Variants in ERLIN2 observed in about 807,000 individuals in gnomAD.
ERLIN2 encodes erlin-2.
ERLIN2 carries 22 observed loss-of-function variants against 41.5 expected under a neutral mutation model. That is an observed-to-expected ratio of 0.53 (90% confidence interval 0.38 to 0.76). The LOEUF (loss-of-function observed/expected upper bound fraction) is 0.76, where lower values mean the gene tolerates loss of function less well. ERLIN2 is among the 30% of genes least tolerant of loss of function. The pLI is 0.00. For synonymous variants in ERLIN2, 149 were observed against 150.9 expected, an observed-to-expected ratio of 0.99 and a Z score of 0.09; for missense variants, 247 against 414.3, an observed-to-expected ratio of 0.60 and a Z score of 3.51.
At chr8:37,749,238 T>A (rs560073663) in intron 6 of ERLIN2, among the ~76,000 whole-genome samples, 1 of 152,376 alleles carries the variant, frequency 6.6e-6, no homozygotes, top group East Asian at 1.9e-4. Flanking sequence ...AGAAATGTGC[T>A]AGAATTGTTT....
At chr8:37,740,297 C>G in intron 2 of ERLIN2, 68 bp from the exon 3 acceptor site, 2 of 1,059,200 alleles carry the variant, frequency 1.9e-6, no homozygotes, top group Non-Finnish European at 2.9e-6. Context: ...AGTTGACCCT[C>G]ATGATATTGA....
chr8:37,745,216 T>C, intron 6 of ERLIN2: 3 of 443,274 alleles, frequency 6.8e-6, no homozygotes, highest in South Asian at 7.7e-5. Context: ...GAATGGGTGA[T>C]GAAAAAGACA....
intron 6 of ERLIN2, among the ~76,000 whole-genome samples, chr8:37,748,766 A>G (rs1803138106): frequency 6.6e-6 from 1 of 152,234 alleles, no homozygotes; most frequent in South Asian, 2.1e-4. Context: ...TATCATGGGC[A>G]GAAGGCAAGG....
intron 2 of ERLIN2, among the ~76,000 whole-genome samples, chr8:37,738,244 A>C (rs1458743045): frequency 3.3e-5 from 5 of 152,248 alleles, no homozygotes; most frequent in Non-Finnish European, 7.3e-5. Context: ...TAGTAGTCCA[A>C]GATGATGCCA....
chr8:37,738,185 G>A (rs758986968), intron 2 of ERLIN2, among the ~76,000 whole-genome samples, 156 bp downstream of exon 2: 26 of 152,178 alleles, frequency 1.7e-4, no homozygotes, highest in Non-Finnish European at 1.6e-4. Flanking sequence ...GTAACCACGG[G>A]AAAGAGAATA....
chr8:37,740,341 C>T (rs765376176), intron 2 of ERLIN2, 24 bp from the exon 3 acceptor site: 35 of 1,593,832 alleles, frequency 2.2e-5, no homozygotes, highest in Admixed American at 3.3e-5. Flanking sequence ...CTGAAGCTGC[C>T]TCTCTCTTCC....
At chr8:37,744,828 G>A (rs992495444) in intron 6 of ERLIN2, 132 bp downstream of exon 6, 2 of 989,534 alleles carry the variant, frequency 2.0e-6, no homozygotes, top group South Asian at 2.7e-5. Context: ...AAAGAATCTT[G>A]TGCTCAGGAG....
intron 1 of ERLIN2, chr8:37,737,102 G>T (rs1424271651): frequency 2.1e-6 from 1 of 479,810 alleles, no homozygotes; most frequent in African/African-American, 2.1e-5. Flanking sequence ...CGCACGCACA[G>T]CTGAACTTTG....
chr8:37,738,403 C>T (rs1053068651), intron 2 of ERLIN2, among the ~76,000 whole-genome samples: 1 of 151,822 alleles, frequency 6.6e-6, no homozygotes, highest in Non-Finnish European at 1.5e-5. Flanking sequence ...CTTAGCTCTA[C>T]ATCCCTCTGG....
chr8:37,741,674 C>A lies in ERLIN2; in HGVS notation c.190-98C>A. 2.2e-6 allele frequency: 2 copies of A among 928,176 alleles called. No homozygotes were observed. The highest frequency in any genetic ancestry group is 1.3e-5 in the South Asian group (1 of 75,774). The allele number at this position is 928,176 out of a possible 1,614,324, so 57.5% of individuals were successfully genotyped here. A position where few individuals can be genotyped will look rare whatever the true frequency, so the allele number is the denominator to read the frequency against. ...TGTTTAATGAAGGCCATGCTCAACC[C>A]AAACAGTTATTCCAGGACAAAGGCA... On this transcript the variant is annotated intron_variant, in intron 3 of 11. Coordinates refer to ENST00000519638, the MANE Select transcript of ERLIN2 (RefSeq NM_007175.8). The surrounding 1 kb of genome is among the most constrained non-coding windows in gnomAD (Gnocchi z 4.8).
chr8:37,758,084 C>T lies in ERLIN2; in HGVS notation c.*3969C>T, dbSNP rs576049167. ...TATGTGTCCTAAACACTGCATGAGA[C>T]ATACTCATACCAAAGTATTTGTTGC... On this transcript the variant is annotated 3_prime_UTR_variant, in exon 12 of 12. Coordinates refer to ENST00000519638, the MANE Select transcript of ERLIN2 (RefSeq NM_007175.8). The T allele has an allele frequency of 7.9e-5, 12 of 152,322 alleles. No individual in the cohort carries two copies. In the East Asian group the frequency reaches 1.5e-3, roughly 20 times the overall value. The allele number at this position is 152,322 out of a possible 1,614,324, so 9.4% of individuals were successfully genotyped here. A position where few individuals can be genotyped will look rare whatever the true frequency, so the allele number is the denominator to read the frequency against.
rs1475778141 is a variant in ERLIN2 at position 37,754,361 on chromosome 8, C to A, written c.*246C>A. On this transcript the variant is annotated 3_prime_UTR_variant, in exon 12 of 12. Transcript: ENST00000519638. ...TAAGATTTGTAAATCATGGGCTTGA[C>A]CTTTGACCTCTAGACACTAATTTTA... 1.2e-5 allele frequency: 6 copies of A among 503,452 alleles called. No individual in the cohort carries two copies. Among genetic ancestry groups the A allele is most frequent in the Non-Finnish European group, 2.2e-5 (6 of 277,762 alleles). 31.2% of individuals were successfully genotyped at this position (503,452 alleles called of 1,614,324 possible).
At chr8:37,739,639 T>C (rs1406407785) in intron 2 of ERLIN2, among the ~76,000 whole-genome samples, 1 of 151,986 alleles carries the variant, frequency 6.6e-6, no homozygotes, top group Non-Finnish European at 1.5e-5. Flanking sequence ...CACGCCTGGC[T>C]AATTTTTGTA....
Position 37,744,610 on chromosome 8 carries a change from A to G in ERLIN2, c.338A>G (p.Lys113Arg). The G allele has an allele frequency of 6.2e-7, 1 of 1,614,076 alleles. No individual in the cohort carries two copies. Among genetic ancestry groups the G allele is most frequent in the Non-Finnish European group, 8.5e-7 (1 of 1,179,974 alleles). ...IVKNYTADYD[K>R]ALIFNKIHHE... is the part of the protein sequence containing the mutation. The stretch of plus-strand genomic sequence containing the variant: ...AAGAACTATACTGCTGACTATGACA[A>G]GGCCCTCATCTTCAACAAGATCCAC... Residue 113 changes from lysine (K) to arginine (R), a missense_variant, in exon 6 of 12, where the codon AAG becomes AGG. Transcript: ENST00000519638.
rs751521723 is a variant in ERLIN2, at chr8:37,753,515, G to T, written c.805G>T (p.Ala269Ser). Residue 269 changes from alanine (A) to serine (S), a missense_variant, in exon 11 of 12, where the codon GCC becomes TCC. By Grantham distance (99) the Ala-to-Ser change is moderately conservative. Around this residue, in one of 3 missense-constraint regions of ERLIN2, gnomAD observed 153 missense variants for 256.4 expected, o/e 0.60. Coordinates refer to ENST00000519638, the MANE Select transcript of ERLIN2 (RefSeq NM_007175.8). ...DAECYTAMKI[A>S]EANKLKLTPE... is the part of the protein sequence containing the mutation. ...TGAGTGCTACACTGCTATGAAAATA[G>T]CCGAAGCCAATAAGGTAAAGACCCC... The T allele has an allele frequency of 6.8e-6, 11 of 1,614,112 alleles. No individual in the cohort carries two copies. Among genetic ancestry groups the T allele is most frequent in the Non-Finnish European group, 8.5e-6 (10 of 1,180,000 alleles).
intron 6 of ERLIN2, chr8:37,747,862 A>C (rs1803108108): frequency 6.2e-7 from 1 of 1,614,210 alleles, no homozygotes; most frequent in Non-Finnish European, 8.5e-7. Context: ...CCTCATGGGC[A>C]ATTTCTCTAA....
intron 1 of ERLIN2, chr8:37,737,168 T>A: frequency 4.4e-6 from 1 of 225,924 alleles, no homozygotes; most frequent in Non-Finnish European, 7.4e-6. Context: ...CTCCTCCGCG[T>A]CCTGGTGCCT....
chr8:37,736,811 A>G (rs1442849537), intron 1 of ERLIN2, 133 bp downstream of exon 1: 5 of 985,988 alleles, frequency 5.1e-6, no homozygotes, highest in South Asian at 4.7e-5. Flanking sequence ...GGAGAGAGAC[A>G]GAAACCCTTT....
At chr8:37,746,544 C>A in intron 6 of ERLIN2, 1 of 965,122 alleles carries the variant, frequency 1.0e-6, no homozygotes, top group Non-Finnish European at 1.2e-6. Context: ...AAAAGATACA[C>A]AACAGATCAT....
Sources: allele counts gnomAD v4.1 joint callset (sites outside exome capture counted in the v4.1 genomes callset), GRCh38; gene constraint gnomAD v4.1.1; regional missense constraint gnomAD v4.1.1; non-coding constraint Gnocchi (gnomAD v3.1); transcripts MANE v1.5; gene names NCBI Gene and HGNC (gene_info 2026-07-23, HGNC 2026-07-21).